Variants in ARFGEF1 observed in about 807,000 individuals in gnomAD.
ARFGEF1 encodes brefeldin A-inhibited guanine nucleotide-exchange protein 1.
Under a neutral mutation model 231.0 loss-of-function variants are expected in ARFGEF1, and 42 were observed. The ratio of observed to expected loss-of-function variants is 0.18; its 90% CI spans 0.14 to 0.24. ARFGEF1 has a LOEUF of 0.24. ARFGEF1 is among the 10% of genes least tolerant of loss of function. The probability of loss-of-function intolerance (pLI) is 1.00; values close to 1 mark genes in which losing one functional copy is unlikely to be tolerated. For synonymous variants in ARFGEF1, 710 were observed against 732.3 expected, an observed-to-expected ratio of 0.97 and a Z score of 0.49; for missense variants, 1,345 against 2,192.0, an observed-to-expected ratio of 0.61 and a Z score of 7.72.
chr8:67,267,439 A>C lies in ARFGEF1; in HGVS notation c.1576T>G (p.Phe526Val). Residue 526 changes from phenylalanine to valine, a missense_variant, in exon 11 of 39, where the codon TTC (phenylalanine) becomes GTC (valine). Phe to Val is a conservative substitution (Grantham distance 50). This residue lies in a region of ARFGEF1 where 141 missense variants were observed against 259.9 expected (regional missense o/e 0.54). Transcript: ENST00000262215. ...ATGTATAAGAAAATTTCTTTAAAGA[A>C]CACCTGTGATTAGGAGAAAACTTCT... ...KTHLKMQIEV[F>V]FKEIFLYILE... is the part of the protein sequence containing the mutation. The C allele has an allele frequency of 6.3e-7, 1 of 1,584,144 alleles. No individual in the cohort carries two copies. The highest frequency in any genetic ancestry group is 1.1e-5 in the South Asian group (1 of 88,576).
downstream of ARFGEF1, among the ~76,000 whole-genome samples, chr8:67,196,483 A>C (rs547526195): frequency 1.4e-4 from 21 of 152,358 alleles, no homozygotes; most frequent in African/African-American, 5.1e-4. Flanking sequence ...TCAGATTAGA[A>C]TCTCAGAACC....
intron 1 of ARFGEF1, among the ~76,000 whole-genome samples, chr8:67,308,095 C>T (rs1471787444): frequency 6.6e-6 from 1 of 152,202 alleles, no homozygotes; most frequent in Non-Finnish European, 1.5e-5. Context: ...AGGCACCAGA[C>T]ATGTAAGTAA....
chr8:67,201,720 C>CA, intron 36 of ARFGEF1, 115 bp from the exon 37 acceptor site: 1 of 1,368,170 alleles, frequency 7.3e-7, no homozygotes, highest in Non-Finnish European at 1.0e-6. Context: ...CTGCTGCTTA[C>CA]AAAACGGAGC....
intron 1 of ARFGEF1, among the ~76,000 whole-genome samples, chr8:67,317,580 G>T (rs964600034): frequency 2.0e-5 from 3 of 150,130 alleles, no homozygotes; most frequent in Admixed American, 6.7e-5. Flanking sequence ...ACCCACTGGG[G>T]TTTATTCTAA....
rs1222890188 is a variant in ARFGEF1 at position 67,253,607 on chromosome 8, T to C, written c.2542A>G (p.Thr848Ala). 1.3e-6 allele frequency: 2 copies of C among 1,488,362 alleles called. No individual in the cohort carries two copies. Among genetic ancestry groups the C allele is most frequent in the African/African-American group, 1.4e-5 (1 of 70,414 alleles). The allele number at this position is 1,488,362 out of a possible 1,614,324, so 92.2% of individuals were successfully genotyped here. Residue 848 changes from threonine (T) to alanine (A), a missense_variant, in exon 18 of 39, where the codon ACA (threonine) becomes GCA (alanine). Transcript: ENST00000262215. Reference protein sequence around the residue: ...LHSPQVKNKMTKEQYIKMNRG... With the variant: ...LHSPQVKNKMAKEQYIKMNRG... ...TTCATCTTAATGTATTGTTCCTTTG[T>C]CATTTTATTTTTCACCTAGATATGA...
intron 33 of ARFGEF1, among the ~76,000 whole-genome samples, chr8:67,212,964 T>C (rs1186819589): frequency 6.6e-6 from 1 of 152,156 alleles, no homozygotes; most frequent in Non-Finnish European, 1.5e-5. Flanking sequence ...TTGCTCTGTA[T>C]TAGAGGAATT....
intron 1 of ARFGEF1, among the ~76,000 whole-genome samples, chr8:67,320,494 C>T (rs1220350271): frequency 6.6e-6 from 1 of 152,064 alleles, no homozygotes; most frequent in Non-Finnish European, 1.5e-5. Context: ...CCCAGCAGTC[C>T]CACTCCTGGG....
chr8:67,222,014 T>C (rs1233554574), intron 29 of ARFGEF1, among the ~76,000 whole-genome samples: 4 of 149,864 alleles, frequency 2.7e-5, no homozygotes, highest in Non-Finnish European at 5.9e-5. Context: ...GGGGTTTCAC[T>C]GTGTTAGCCA....
At chr8:67,200,595 T>C (rs776250551) in intron 37 of ARFGEF1, 82 bp from the exon 38 acceptor site, 73 of 809,766 alleles carry the variant, frequency 9.0e-5, no homozygotes, top group African/African-American at 1.2e-4. Flanking sequence ...ATCATGAACA[T>C]AGTAGTGAAT....
rs1838889210 is a variant in ARFGEF1 at position 67,215,338 on chromosome 8, T to C, written c.4686+1252A>G. Among the ~76,000 whole-genome samples, 10 of 152,140 alleles carry C rather than the reference T, an allele frequency of 6.6e-5. No individual in the cohort carries two copies. In the South Asian group the frequency reaches 2.1e-3, roughly 31 times the overall value. ...GAATGGGGTGACCATCTTTTGCCGA[T>C]GGGATGGACATGAATTTTTAGGTGT... On this transcript the variant is annotated intron_variant, in intron 33 of 38. Coordinates refer to ENST00000262215, the MANE Select transcript of ARFGEF1 (RefSeq NM_006421.5).
chr8:67,206,334 C>T (rs1490139943), intron 34 of ARFGEF1, among the ~76,000 whole-genome samples: 6 of 150,404 alleles, frequency 4.0e-5, no homozygotes, highest in South Asian at 2.1e-4. Flanking sequence ...GGCTTGATCC[C>T]GGGAGGCGGA....
intron 4 of ARFGEF1, 147 bp downstream of exon 4, chr8:67,299,062 G>C: frequency 1.3e-6 from 1 of 742,618 alleles, no homozygotes; most frequent in Non-Finnish European, 2.0e-6. Flanking sequence ...GGGATTACAG[G>C]CATGAGCCAC....
intron 29 of ARFGEF1, among the ~76,000 whole-genome samples, chr8:67,222,227 A>ATATATATG (rs1839213810): frequency 8.7e-6 from 1 of 115,156 alleles, no homozygotes; most frequent in African/African-American, 3.5e-5. Context: ...ATATATATGT[A>ATATATATG]TATGTATGTA....
intron 33 of ARFGEF1, among the ~76,000 whole-genome samples, chr8:67,215,195 G>A (rs934774764): frequency 6.6e-5 from 10 of 152,182 alleles, no homozygotes; most frequent in African/African-American, 2.4e-4. Context: ...ATACTCAAGA[G>A]TGTCATCCAT....
chr8:67,217,106 A>G (rs1838964768), intron 32 of ARFGEF1, among the ~76,000 whole-genome samples: 1 of 152,030 alleles, frequency 6.6e-6, no homozygotes, highest in African/African-American at 2.4e-5. Context: ...GGAGTTTGAG[A>G]CCAGCCTGAC....
chr8:67,186,459 C>T (rs1834619722), intron 5 of ARFGEF1, among the ~76,000 whole-genome samples: 1 of 150,938 alleles, frequency 6.6e-6, no homozygotes, highest in Non-Finnish European at 1.5e-5. Flanking sequence ...ATGAACAACT[C>T]TATGCCCACA....
rs756614080 is a variant in ARFGEF1 at position 67,200,320 on chromosome 8, C to T, written c.5385+76G>A. On this transcript the variant is annotated intron_variant, in intron 38 of 38. Transcript: ENST00000262215. ...TGATTCATCTCTGAGAGCTCTTGCA[C>T]GGCGGCTCTGGGACCCCGCATCCCA... is the stretch of plus-strand genomic sequence containing the variant. 2.1e-5 allele frequency: 22 copies of T among 1,037,876 alleles called. No individual in the cohort carries two copies. The East Asian group carries it at 2.4e-4, about 11-fold the overall frequency. 64.3% of individuals were successfully genotyped at this position (1,037,876 alleles called of 1,614,324 possible). A position where few individuals can be genotyped will look rare whatever the true frequency, so the allele number is the denominator to read the frequency against.
At chr8:67,177,467 A>G (rs1831974505) in intron 5 of ARFGEF1, among the ~76,000 whole-genome samples, 1 of 152,212 alleles carries the variant, frequency 6.6e-6, no homozygotes, top group Non-Finnish European at 1.5e-5. Context: ...TTTACTTGTT[A>G]TGTTCATTCA....
At chr8:67,218,208 ATATATATATATATAT>A in intron 30 of ARFGEF1, 70 bp from the exon 31 acceptor site, 1 of 80,444 alleles carries the variant, frequency 1.2e-5, no homozygotes, top group Non-Finnish European at 2.1e-5. Context: ...AAAAAAAAAA[ATATATATATATATAT>A]ATATATATAT....
Sources: allele counts gnomAD v4.1 joint callset (sites outside exome capture counted in the v4.1 genomes callset), GRCh38; gene constraint gnomAD v4.1.1; regional missense constraint gnomAD v4.1.1; transcripts MANE v1.5; gene names NCBI Gene and HGNC (gene_info 2026-07-23, HGNC 2026-07-21).